The following SVOP variants were observed in gnomAD, a reference collection of about 807,000 sequenced individuals.
SVOP encodes the protein synaptic vesicle 2-related protein.
SVOP carries 17 observed loss-of-function variants against 69.1 expected under a neutral mutation model. The observed-to-expected ratio is 0.25, with a 90% CI of 0.17 to 0.37. SVOP has a LOEUF of 0.37. Ranked by LOEUF, SVOP falls within the 10% of genes least tolerant of loss-of-function variation. SVOP has a pLI of 1.00. For missense variants in SVOP, 435 were observed against 597.5 expected (o/e 0.73, Z 2.84); for synonymous variants, 238 against 238.6 (o/e 1.00, Z 0.02).
chr12:108,937,197 A>T, intron 10 of SVOP, 67 bp downstream of exon 10: 2 of 1,558,488 alleles, frequency 1.3e-6, no homozygotes, highest in Non-Finnish European at 1.8e-6. Context: ...CCATTGCATT[A>T]AAACAAAACC....
intron 11 of SVOP, among the ~76,000 whole-genome samples, chr12:108,923,897 C>T (rs1193425148): frequency 6.6e-6 from 1 of 152,148 alleles, no homozygotes. Context: ...CCTGACCTTG[C>T]TTTACTCTCA....
chr12:108,945,618 C>T (rs187122479), intron 6 of SVOP, among the ~76,000 whole-genome samples: 16 of 152,100 alleles, frequency 1.1e-4, no homozygotes, highest in Admixed American at 1.0e-3. Flanking sequence ...AACTCCTGGC[C>T]TCAAGCGATC....
chr12:108,918,968 G>A (rs1251427308), intron 13 of SVOP, among the ~76,000 whole-genome samples: 1 of 152,014 alleles, frequency 6.6e-6, no homozygotes, highest in Non-Finnish European at 1.5e-5. Context: ...CTTTTTACCT[G>A]TATCTGCACC....
chr12:108,922,962 C>T (rs1304164457), intron 11 of SVOP, among the ~76,000 whole-genome samples, 165 bp from the exon 12 acceptor site: 2 of 152,236 alleles, frequency 1.3e-5, no homozygotes, highest in African/African-American at 2.4e-5. Context: ...AGCCGCAGTG[C>T]TCCAGCTTCA....
intron 11 of SVOP, among the ~76,000 whole-genome samples, chr12:108,923,248 T>C (rs1465389574): frequency 6.6e-6 from 1 of 152,172 alleles, no homozygotes; most frequent in African/African-American, 2.4e-5. Flanking sequence ...AGGATGTATG[T>C]GATTGCATTA....
chr12:108,988,764 T>TTC, intron 1 of SVOP, among the ~76,000 whole-genome samples: 12 of 129,638 alleles, frequency 9.3e-5, no homozygotes, highest in African/African-American at 3.5e-4. Flanking sequence ...CTTACTTCTT[T>TTC]TCTCTCTTTT....
intron 5 of SVOP, among the ~76,000 whole-genome samples, chr12:108,964,523 T>A (rs2040034297): frequency 6.6e-6 from 1 of 151,760 alleles, no homozygotes; most frequent in African/African-American, 2.4e-5. Context: ...GGGAGCCGTA[T>A]TATCTGTCCT....
rs12810312 is a variant in SVOP, at chr12:109,013,022, C to G, written c.35+7812G>C. ...AGACTGGGCTACACAGTTGCTAAAACTTAATAGTGGTTCCACTGTCAGGGA... is the reference window on the plus strand; with the variant it reads ...AGACTGGGCTACACAGTTGCTAAAAGTTAATAGTGGTTCCACTGTCAGGGA... On this transcript the variant is annotated intron_variant, in intron 1 of 15. Transcript: ENST00000610966. Among the ~76,000 whole-genome samples, 1,263 of 152,294 alleles carry G rather than the reference C, an allele frequency of 8.3e-3. 11 individuals carry two copies. The highest frequency in any genetic ancestry group is 0.028 in the South Asian group (135 of 4,830).
chr12:108,919,279 C>G (rs1027915412), intron 13 of SVOP, among the ~76,000 whole-genome samples: 3 of 151,080 alleles, frequency 2.0e-5, no homozygotes, highest in Admixed American at 2.0e-4. Flanking sequence ...GGCATCTACC[C>G]CACCTGTACC....
chr12:108,928,268 T>A (rs2039794305), intron 11 of SVOP, among the ~76,000 whole-genome samples: 1 of 152,036 alleles, frequency 6.6e-6, no homozygotes, highest in African/African-American at 2.4e-5. Context: ...TCTGAGTCTT[T>A]TTAAAATTTC....
At chr12:108,939,846 G>T (rs544081612) in intron 8 of SVOP, among the ~76,000 whole-genome samples, 5 of 152,108 alleles carry the variant, frequency 3.3e-5, no homozygotes, top group Non-Finnish European at 7.4e-5. Context: ...CCTGGCCAAG[G>T]TATTTAAGAA....
intron 14 of SVOP, among the ~76,000 whole-genome samples, chr12:108,917,387 C>A (rs1382962718): frequency 6.6e-6 from 1 of 152,060 alleles, no homozygotes; most frequent in Non-Finnish European, 1.5e-5. Context: ...AGAAATATAT[C>A]CTCCTTGTAA....
At chr12:108,988,255 T>C (rs1197483972) in intron 1 of SVOP, among the ~76,000 whole-genome samples, 3 of 152,158 alleles carry the variant, frequency 2.0e-5, no homozygotes, top group Admixed American at 6.6e-5. Context: ...TAGCCCGATA[T>C]ATCTACTTTT....
intron 5 of SVOP, among the ~76,000 whole-genome samples, chr12:108,963,552 A>T (rs1466356559): frequency 6.6e-6 from 1 of 151,988 alleles, no homozygotes; most frequent in Admixed American, 6.5e-5. Flanking sequence ...CAGTGGCACG[A>T]TCTCAGCTCA....
chr12:108,940,686 G>A, intron 8 of SVOP, 98 bp downstream of exon 8: 1 of 1,459,952 alleles, frequency 6.8e-7, no homozygotes. Context: ...AATCTTGAAA[G>A]GTGGCTTTGG....
At chr12:108,927,471 T>C (rs150330352) in intron 11 of SVOP, among the ~76,000 whole-genome samples, 169 of 152,364 alleles carry the variant, frequency 1.1e-3, no homozygotes, top group African/African-American at 3.3e-3. Flanking sequence ...TACTATATAA[T>C]TTCTCATCAT....
At chr12:108,953,887 G>A (rs1451588229) in intron 6 of SVOP, among the ~76,000 whole-genome samples, 6 of 152,076 alleles carry the variant, frequency 3.9e-5, no homozygotes, top group South Asian at 4.2e-4. Context: ...TGAGGCAGGC[G>A]AATCGCTTGA....
intron 7 of SVOP, among the ~76,000 whole-genome samples, chr12:108,944,765 G>A (rs2039912876): frequency 6.6e-6 from 1 of 152,114 alleles, no homozygotes; most frequent in Non-Finnish European, 1.5e-5. Flanking sequence ...TGATATGAGT[G>A]TGGGCCAGAG....
chr12:108,940,286 T>C (rs2039883082), intron 8 of SVOP, among the ~76,000 whole-genome samples: 2 of 152,188 alleles, frequency 1.3e-5, no homozygotes, highest in African/African-American at 2.4e-5. Flanking sequence ...GTAAAGTGTT[T>C]CAAGCATGTG....
Sources: allele counts gnomAD v4.1 joint callset (sites outside exome capture counted in the v4.1 genomes callset), GRCh38; gene constraint gnomAD v4.1.1; transcripts MANE v1.5; gene names NCBI Gene and HGNC (gene_info 2026-07-23, HGNC 2026-07-21).